Variants in APP observed in about 807,000 individuals in gnomAD.
APP encodes amyloid-beta precursor protein.
APP carries 31 observed loss-of-function variants against 101.4 expected under a neutral mutation model. That is an observed-to-expected ratio of 0.31 (90% CI 0.23 to 0.41). The LOEUF (loss-of-function observed/expected upper bound fraction) is 0.41, where lower values mean the gene tolerates loss of function less well. Among genes scored for constraint, APP ranks in the 10% least tolerant of loss-of-function variants. The pLI is 1.00. For synonymous variants in APP, 366 were observed against 364.4 expected (o/e 1.00, Z -0.05); for missense variants, 839 against 1,003.7 (o/e 0.84, Z 2.22).
intron 6 of APP, among the ~76,000 whole-genome samples, chr21:26,015,917 T>G (rs904766373): frequency 4.0e-5 from 1 of 25,006 alleles, no homozygotes; most frequent in African/African-American, 1.8e-4. Flanking sequence ...TTTAAACAAA[T>G]GGGATGGGCT....
At chr21:26,129,164 C>T (rs556069262) in intron 1 of APP, among the ~76,000 whole-genome samples, 76 of 152,164 alleles carry the variant, frequency 5.0e-4, no homozygotes, top group African/African-American at 1.7e-3. Flanking sequence ...TTATAAGGTC[C>T]CAATGCAGTG....
intron 1 of APP, 117 bp from the exon 2 acceptor site, chr21:26,112,263 T>C: frequency 9.1e-7 from 1 of 1,094,930 alleles, no homozygotes; most frequent in Non-Finnish European, 1.4e-6. Context: ...CAATTAGGAA[T>C]CAGCCCGGTC....
At chr21:26,030,652 C>T (rs1442450313) in intron 5 of APP, among the ~76,000 whole-genome samples, 2 of 152,154 alleles carry the variant, frequency 1.3e-5, no homozygotes, top group Non-Finnish European at 2.9e-5. Context: ...ATTGTTCTGA[C>T]AGCTTTATGA....
At chr21:25,987,881 A>T (rs2042697235) in intron 8 of APP, among the ~76,000 whole-genome samples, 1 of 152,210 alleles carries the variant, frequency 6.6e-6, no homozygotes, top group African/African-American at 2.4e-5. Flanking sequence ...GAAGGCCCTG[A>T]TCCTGGTGGA....
intron 11 of APP, among the ~76,000 whole-genome samples, chr21:25,965,753 AC>A (rs1280946042): frequency 6.6e-6 from 1 of 152,210 alleles, no homozygotes; most frequent in East Asian, 1.9e-4. Context: ...TATCAGTCAT[AC>A]CAGGCAGGTG....
intron 13 of APP, among the ~76,000 whole-genome samples, chr21:25,931,658 G>A (rs2146396199): frequency 6.6e-6 from 1 of 152,342 alleles, no homozygotes; most frequent in Admixed American, 6.5e-5. Flanking sequence ...ACTGGCCCAA[G>A]GAAAAACAGT....
intron 11 of APP, among the ~76,000 whole-genome samples, chr21:25,959,411 C>T (rs1019942565): frequency 2.0e-5 from 3 of 152,044 alleles, no homozygotes; most frequent in Admixed American, 1.3e-4. Context: ...ACAGCCTGGG[C>T]GACAGGACGA....
intron 1 of APP, among the ~76,000 whole-genome samples, chr21:26,159,293 A>G (rs2063440663): frequency 6.6e-6 from 1 of 152,126 alleles, no homozygotes; most frequent in Admixed American, 6.5e-5. Context: ...GTTAGCCAGG[A>G]TGGACTGGAT....
chr21:26,032,274 A>G (rs568974080), intron 5 of APP, among the ~76,000 whole-genome samples: 10 of 152,000 alleles, frequency 6.6e-5, no homozygotes, highest in African/African-American at 2.4e-4. Context: ...TCAAATATCA[A>G]ATAGACACCC....
At chr21:25,976,125 T>C (rs1170392452) in intron 9 of APP, 97 bp from the exon 10 acceptor site, 2 of 1,063,830 alleles carry the variant, frequency 1.9e-6, no homozygotes, top group Non-Finnish European at 2.8e-6. Flanking sequence ...TCTATTTTTG[T>C]CATTTTAGAT....
At chr21:25,955,888 G>T in intron 11 of APP, 133 bp from the exon 12 acceptor site, 1 of 1,312,452 alleles carries the variant, frequency 7.6e-7, no homozygotes, top group Non-Finnish European at 1.1e-6. Flanking sequence ...TTGCAGGTCT[G>T]CCTTCTAAAC....
rs201038323 is a variant in APP at position 25,905,046 on chromosome 21, G to A, written c.1941C>T (p.Asp647=). Residue 647 remains aspartate (D), a synonymous_variant, in exon 15 of 18, where the codon GAC becomes GAT. Coordinates refer to ENST00000346798, the MANE Select transcript of APP (RefSeq NM_000484.4). Reference sequence around the variant, plus strand: ...TACCTGGTCGAGTGGTCAGTCCTCGGTCGGCAGCAGGGCGGGCATCAACAG... The same window carrying A: ...TACCTGGTCGAGTGGTCAGTCCTCGATCGGCAGCAGGGCGGGCATCAACAG... ...VEPVDARPAA[D]RGLTTRPGSG... 1.1e-5 allele frequency: 18 copies of A among 1,613,844 alleles called. No homozygotes were observed. The highest frequency in any genetic ancestry group is 1.5e-5 in the Non-Finnish European group (18 of 1,179,968).
At chr21:26,043,217 C>T (rs1000751651) in intron 5 of APP, among the ~76,000 whole-genome samples, 3 of 150,932 alleles carry the variant, frequency 2.0e-5, no homozygotes, top group Non-Finnish European at 4.4e-5. Flanking sequence ...GAATGATATT[C>T]CTTAGTTTTT....
intron 17 of APP, among the ~76,000 whole-genome samples, chr21:25,890,978 C>A (rs923302669): frequency 1.1e-4 from 16 of 152,316 alleles, no homozygotes; most frequent in African/African-American, 3.6e-4. Flanking sequence ...ATACTCTCTG[C>A]AAGACAGTTT....
intron 8 of APP, among the ~76,000 whole-genome samples, chr21:25,986,016 G>C (rs761159682): frequency 4.6e-5 from 7 of 152,180 alleles, no homozygotes; most frequent in Non-Finnish European, 1.0e-4. Context: ...TTTTAAGGTG[G>C]AGTATGTCCA....
rs200541360 is a variant in APP, at chr21:26,053,277, C to T, written c.427G>A (p.Val143Ile). Residue 143 changes from valine to isoleucine, a missense_variant, in exon 4 of 18, where the codon GTT becomes ATT. Val to Ile is a conservative substitution (Grantham distance 29, BLOSUM62 3). Coordinates refer to ENST00000346798, the MANE Select transcript of APP (RefSeq NM_000484.4). ...CKFLHQERMD[V>I]CETHLHWHTV... ...TGCCAGTGAAGATGAGTTTCGCAAA[C>T]ATCCATCCTCTCCTGGTGTAAGAAT... 1 of 1,613,964 alleles carries T rather than the reference C, an allele frequency of 6.2e-7. No individual in the cohort carries two copies. The highest frequency in any genetic ancestry group is 8.5e-7 in the Non-Finnish European group (1 of 1,179,858).
intron 2 of APP, among the ~76,000 whole-genome samples, chr21:26,098,081 GAAA>G (rs757879199): frequency 1.3e-4 from 7 of 54,382 alleles, no homozygotes; most frequent in Non-Finnish European, 2.2e-4. Context: ...CTCTGTCTCA[GAAA>G]AAAAAAAAAA....
intron 6 of APP, among the ~76,000 whole-genome samples, chr21:26,008,248 G>C (rs2043624583): frequency 6.6e-6 from 1 of 152,166 alleles, no homozygotes; most frequent in Non-Finnish European, 1.5e-5. Context: ...AGATTTACTT[G>C]TAAAGTATTT....
intron 17 of APP, among the ~76,000 whole-genome samples, chr21:25,889,918 CA>C: frequency 6.6e-6 from 1 of 151,276 alleles, no homozygotes; most frequent in Admixed American, 6.6e-5. Flanking sequence ...ACAACAGCAG[CA>C]AAAAAGGGGT....
Sources: allele counts gnomAD v4.1 joint callset (sites outside exome capture counted in the v4.1 genomes callset), GRCh38; gene constraint gnomAD v4.1.1; transcripts MANE v1.5; gene names NCBI Gene and HGNC (gene_info 2026-07-23, HGNC 2026-07-21).